Variants in UNC5B observed in about 807,000 individuals in gnomAD.
UNC5B encodes the protein unc-5 netrin receptor B.
In UNC5B, 56 loss-of-function variants were observed where a neutral mutation model predicts 103.7. That is an observed-to-expected ratio of 0.54 (90% CI 0.44 to 0.67). The LOEUF (loss-of-function observed/expected upper bound fraction) is 0.67, where lower values mean the gene tolerates loss of function less well. Among genes scored for constraint, UNC5B ranks in the 30% least tolerant of loss-of-function variants. The pLI is 0.00. For synonymous variants in UNC5B, 577 were observed against 542.0 expected, an observed-to-expected ratio of 1.06 and a Z score of -0.90; for missense variants, 1,194 against 1,284.5, an observed-to-expected ratio of 0.93 and a Z score of 1.08.
intron 2 of UNC5B, among the ~76,000 whole-genome samples, chr10:71,281,128 A>C (rs1402571985): frequency 2.6e-5 from 4 of 151,136 alleles, no homozygotes; most frequent in Non-Finnish European, 4.4e-5. Flanking sequence ...CCCCTTCTTT[A>C]GTTTCTGTTT....
chr10:71,240,677 C>T (rs547150989), intron 1 of UNC5B, among the ~76,000 whole-genome samples: 1 of 152,388 alleles, frequency 6.6e-6, no homozygotes, highest in Non-Finnish European at 1.5e-5. Flanking sequence ...CCTCCTCCCC[C>T]ACTGTCGCTC....
Position 71,288,743 on chromosome 10 carries a change from G to A in UNC5B, c.1066+11G>A. On this transcript the variant is annotated intron_variant, in intron 7 of 16. Coordinates refer to ENST00000335350, the MANE Select transcript of UNC5B (RefSeq NM_170744.5). ...GGCTGTGCATGCAAAGTGAGTCACA[G>A]GGAAGGTGGGGCCCTGGGGGTGGGG... 1 of 1,599,350 alleles carries A rather than the reference G, an allele frequency of 6.3e-7. No homozygotes were observed. The highest frequency in any genetic ancestry group is 8.5e-7 in the Non-Finnish European group (1 of 1,170,866).
intron 1 of UNC5B, among the ~76,000 whole-genome samples, chr10:71,273,109 G>A (rs553952760): frequency 8.5e-5 from 13 of 152,336 alleles, no homozygotes; most frequent in South Asian, 2.1e-4. Flanking sequence ...GGCTTGTCTC[G>A]AACTCCTGAC....
In UNC5B at chr10:71,287,712, C is replaced by A; in HGVS notation, c.848C>A (p.Ala283Asp). Residue 283 changes from alanine (A) to aspartate (D), a missense_variant, in exon 6 of 17, where the codon GCC becomes GAC. Coordinates refer to ENST00000335350, the MANE Select transcript of UNC5B (RefSeq NM_170744.5). ...AACCCCGCTCCACTCAACGGAGGGG[C>A]CTTCTGCGAGGGCCAGGCATTCCAG... ...CTNPAPLNGG[A>D]FCEGQAFQKT... The A allele has an allele frequency of 6.2e-7, 1 of 1,612,872 alleles. No individual in the cohort carries two copies. The highest frequency in any genetic ancestry group is 1.1e-5 in the South Asian group (1 of 90,916).
rs954784375 is a variant in UNC5B, at chr10:71,220,722, A to G, written c.79+7658A>G. Among the ~76,000 whole-genome samples, 9 of 152,320 alleles carry G rather than the reference A, an allele frequency of 5.9e-5. No individual in the cohort carries two copies. In the South Asian group the frequency reaches 1.9e-3, roughly 32 times the overall value. ...GCCCTTAGCACAGTGCCCGGCACAC[A>G]GTGATCACTCAGGGCCTGTTGGCAT... On this transcript the variant is annotated intron_variant, in intron 1 of 16. Coordinates refer to ENST00000335350, the MANE Select transcript of UNC5B (RefSeq NM_170744.5).
chr10:71,213,099 G>C lies in UNC5B; in HGVS notation c.79+35G>C, dbSNP rs763602522. On this transcript the variant is annotated intron_variant, in intron 1 of 16. Transcript: ENST00000335350. This position sits in a 1 kb window ranked among gnomAD's most constrained non-coding sequence, Gnocchi z 4.1. ...GATCGGGTCTGGGGGCGCGGGGCTA[G>C]GGGACCCTTGCGCCTCACTCTGTCC... 14 of 1,264,500 alleles carry C rather than the reference G, an allele frequency of 1.1e-5. No homozygotes were observed. The African/African-American group carries it at 2.1e-4, about 19-fold the overall frequency. 78.3% of individuals were successfully genotyped at this position (1,264,500 alleles called of 1,614,324 possible).
In UNC5B at chr10:71,250,274, G is replaced by A. The variant is rs376353522; in HGVS notation, c.80-29547G>A. Among the ~76,000 whole-genome samples the A allele has an allele frequency of 1.5e-4, 23 of 152,318 alleles. No individual in the cohort carries two copies. In the South Asian group the frequency reaches 2.1e-3, roughly 14 times the overall value. Reference sequence around the variant, plus strand: ...TAGGGATGACCCCGAGCCTCCGGCCGTTCTGCTGGGTCCAAATGGGATACT... The same window carrying A: ...TAGGGATGACCCCGAGCCTCCGGCCATTCTGCTGGGTCCAAATGGGATACT... On this transcript the variant is annotated intron_variant, in intron 1 of 16. Transcript: ENST00000335350.
intron 1 of UNC5B, among the ~76,000 whole-genome samples, chr10:71,278,747 C>A (rs1844835708): frequency 6.6e-6 from 1 of 152,264 alleles, no homozygotes; most frequent in Non-Finnish European, 1.5e-5. Context: ...TAGGTGGGGC[C>A]TCTAGCTGGA....
At chr10:71,276,892 A>G (rs1344096348) in intron 1 of UNC5B, among the ~76,000 whole-genome samples, 1 of 146,046 alleles carries the variant, frequency 6.8e-6, no homozygotes, top group Non-Finnish European at 1.5e-5. Context: ...TAGGGACAGC[A>G]AGAGGGCAAC....
intron 1 of UNC5B, among the ~76,000 whole-genome samples, chr10:71,219,612 GACAC>G (rs2132236269): frequency 6.6e-6 from 1 of 152,288 alleles, no homozygotes; most frequent in African/African-American, 2.4e-5. Context: ...CACCCTCACA[GACAC>G]ACCCAGGATC....
At chr10:71,263,419 G>T (rs974751129) in intron 1 of UNC5B, among the ~76,000 whole-genome samples, 1 of 152,158 alleles carries the variant, frequency 6.6e-6, no homozygotes, top group Admixed American at 6.5e-5. Flanking sequence ...TGACTGAAAG[G>T]CAGCCAGGGC....
chr10:71,258,224 G>A (rs867581552), intron 1 of UNC5B, among the ~76,000 whole-genome samples: 2 of 152,176 alleles, frequency 1.3e-5, no homozygotes, highest in Non-Finnish European at 2.9e-5. Flanking sequence ...ACTGAGTAAG[G>A]TTCCCTCACT....
chr10:71,253,628 A>G (rs965211397), intron 1 of UNC5B, among the ~76,000 whole-genome samples: 5 of 152,150 alleles, frequency 3.3e-5, no homozygotes, highest in Non-Finnish European at 5.9e-5. Context: ...TCCCCTGCCA[A>G]GCTCCCTGGT....
At chr10:71,291,979 T>G (rs369792304) in intron 10 of UNC5B, among the ~76,000 whole-genome samples, 158 bp downstream of exon 10, 1 of 152,012 alleles carries the variant, frequency 6.6e-6, no homozygotes, top group Non-Finnish European at 1.5e-5. Flanking sequence ...AATAGAGAGG[T>G]CTGACTAGAA....
At chr10:71,267,208 G>A (rs1424812616) in intron 1 of UNC5B, among the ~76,000 whole-genome samples, 1 of 152,186 alleles carries the variant, frequency 6.6e-6, no homozygotes, top group African/African-American at 2.4e-5. Context: ...GCAAGTAAAA[G>A]TGGTCCCATT....
intron 1 of UNC5B, among the ~76,000 whole-genome samples, chr10:71,248,228 T>C (rs183752592): frequency 6.6e-6 from 1 of 151,702 alleles, no homozygotes; most frequent in Non-Finnish European, 1.5e-5. Context: ...AGAAGAGGAG[T>C]TGAGCTCCCC....
rs140090915 is a variant in UNC5B at position 71,285,016 on chromosome 10, A to T, written c.448+153A>T. On this transcript the variant is annotated intron_variant, in intron 3 of 16. Coordinates refer to ENST00000335350, the MANE Select transcript of UNC5B (RefSeq NM_170744.5). The stretch of plus-strand genomic sequence containing the variant: ...CATCCCAGCACATGGATGCCAGCTC[A>T]GAGAGGGCTCCTAGACCCAGAACCT... 5.9e-3 allele frequency among the ~76,000 whole-genome samples: 893 copies of T among 152,336 alleles called. 7 individuals are homozygous for T. The highest frequency in any genetic ancestry group is 0.02 in the African/African-American group (843 of 41,584).
intron 1 of UNC5B, among the ~76,000 whole-genome samples, chr10:71,241,968 A>G (rs1386557299): frequency 1.3e-5 from 2 of 152,124 alleles, no homozygotes; most frequent in Non-Finnish European, 2.9e-5. Context: ...AGGAGGTGAG[A>G]CTTGCCTAGC....
chr10:71,261,677 G>A (rs1368818284), intron 1 of UNC5B, among the ~76,000 whole-genome samples: 1 of 152,238 alleles, frequency 6.6e-6, no homozygotes, highest in Admixed American at 6.5e-5. Context: ...GCAGTGAGGA[G>A]TGCAAGATGG....
Sources: allele counts gnomAD v4.1 joint callset (sites outside exome capture counted in the v4.1 genomes callset), GRCh38; gene constraint gnomAD v4.1.1; non-coding constraint Gnocchi (gnomAD v3.1); transcripts MANE v1.5; gene names NCBI Gene and HGNC (gene_info 2026-07-23, HGNC 2026-07-21).